Variants in ASIC2 observed in about 807,000 individuals in gnomAD.
The protein encoded by ASIC2 is acid sensing ion channel subunit 2.
ASIC2 carries 25 observed loss-of-function variants against 57.3 expected under a neutral mutation model. The observed-to-expected ratio is 0.44, with a 90% CI of 0.32 to 0.61. The LOEUF (loss-of-function observed/expected upper bound fraction) is 0.61, where lower values mean the gene tolerates loss of function less well. Among genes scored for constraint, ASIC2 ranks in the 20% least tolerant of loss-of-function variants. The pLI, the probability that ASIC2 is intolerant of heterozygous loss-of-function variation, is 0.06. For synonymous variants in ASIC2, 319 were observed against 307.5 expected (o/e 1.04, Z -0.39); for missense variants, 641 against 738.1 (o/e 0.87, Z 1.52).
intron 1 of ASIC2, among the ~76,000 whole-genome samples, chr17:33,783,735 T>C (rs552672169): frequency 2.0e-5 from 3 of 152,292 alleles, no homozygotes; most frequent in African/African-American, 7.2e-5. Flanking sequence ...TGAAGGGGAA[T>C]GGACTTTCCC....
chr17:33,037,525 C>T (rs928530673), intron 3 of ASIC2, among the ~76,000 whole-genome samples: 2 of 151,580 alleles, frequency 1.3e-5, no homozygotes, highest in African/African-American at 4.9e-5. Context: ...TTACTGTGTG[C>T]ACAGCACCGA....
intron 1 of ASIC2, among the ~76,000 whole-genome samples, chr17:33,421,025 T>A (rs1312086195): frequency 6.6e-6 from 1 of 152,176 alleles, no homozygotes; most frequent in Non-Finnish European, 1.5e-5. Flanking sequence ...AAAGCACTCA[T>A]GTAATGGAGG....
chr17:33,020,225 A>G (rs1300316607), intron 7 of ASIC2, among the ~76,000 whole-genome samples: 1 of 152,116 alleles, frequency 6.6e-6, no homozygotes, highest in Admixed American at 6.5e-5. Flanking sequence ...AGAAACTACT[A>G]TTTATGGACC....
chr17:33,111,747 G>C lies in ASIC2; in HGVS notation c.859+170C>G, dbSNP rs947417218. ...ACATAGTAAAAGGTGAGGAAACCCAGGGCATCCCAGCCCAAGCCAGGGACA... is the reference window on the plus strand; with the variant it reads ...ACATAGTAAAAGGTGAGGAAACCCACGGCATCCCAGCCCAAGCCAGGGACA... On this transcript the variant is annotated intron_variant, in intron 2 of 9. Coordinates refer to ENST00000225823, the MANE Select transcript of ASIC2 (RefSeq NM_183377.2). 7.6e-6 allele frequency: 7 copies of C among 918,594 alleles called. No homozygotes were observed. In the African/African-American group the frequency reaches 1.2e-4, roughly 16 times the overall value. 56.9% of individuals were successfully genotyped at this position (918,594 alleles called of 1,614,324 possible).
At chr17:34,097,176 T>C (rs947237188) in intron 1 of ASIC2, among the ~76,000 whole-genome samples, 2 of 152,210 alleles carry the variant, frequency 1.3e-5, no homozygotes, top group African/African-American at 2.4e-5. Flanking sequence ...CCTCAGGATA[T>C]GCCAAGCAGT....
In ASIC2 at chr17:33,799,394, CTTTCTT is replaced by C. The variant is rs1470343004; in HGVS notation, c.555+356578_555+356583del. Among the ~76,000 whole-genome samples the C allele has an allele frequency of 1.0e-3, 112 of 110,112 alleles. 3 individuals carry two copies. The highest frequency in any genetic ancestry group is 4.2e-3 in the African/African-American group (105 of 24,962). 72.2% of individuals were successfully genotyped at this position (110,112 alleles called of 152,430 possible). On this transcript the variant is annotated intron_variant, in intron 1 of 9. Transcript: ENST00000359872. ...TCTTTCTTCCTTTCTTTCTTTCTTT[CTTTCTT>C]TCTTTTCTTTCTTTCTTTCTTTCTT...
chr17:34,093,320 CTT>C (rs993489564), intron 1 of ASIC2, among the ~76,000 whole-genome samples: 2 of 152,160 alleles, frequency 1.3e-5, no homozygotes, highest in African/African-American at 4.8e-5. Context: ...TAAGCAGTCT[CTT>C]GTTTCCCTGA....
chr17:33,930,764 T>C (rs1352420013), intron 1 of ASIC2, among the ~76,000 whole-genome samples: 4 of 152,168 alleles, frequency 2.6e-5, no homozygotes, highest in Non-Finnish European at 4.4e-5. Context: ...AGGAGCCATG[T>C]GTGAGTCCAG....
chr17:33,661,166 G>C (rs2142044769), intron 1 of ASIC2, among the ~76,000 whole-genome samples: 1 of 152,126 alleles, frequency 6.6e-6, no homozygotes, highest in East Asian at 1.9e-4. Context: ...CCCCTCTCTT[G>C]GCTGGTGCTG....
At chr17:33,228,361 G>A (rs1368945156) in intron 1 of ASIC2, among the ~76,000 whole-genome samples, 7 of 152,144 alleles carry the variant, frequency 4.6e-5, no homozygotes, top group African/African-American at 1.7e-4. Context: ...AAAAAAGAAG[G>A]GGGGTAAGAG....
chr17:33,373,408 T>C (rs1466717674), intron 1 of ASIC2, among the ~76,000 whole-genome samples: 1 of 152,222 alleles, frequency 6.6e-6, no homozygotes, highest in African/African-American at 2.4e-5. Flanking sequence ...AGGAATTTAG[T>C]TTATAGTTTA....
chr17:33,461,898 C>A (rs544727916), intron 1 of ASIC2, among the ~76,000 whole-genome samples: 1 of 152,300 alleles, frequency 6.6e-6, no homozygotes, highest in South Asian at 2.1e-4. Context: ...TGCAACTGAA[C>A]CATCTATTGA....
At chr17:33,672,778 C>G (rs1203310350) in intron 1 of ASIC2, among the ~76,000 whole-genome samples, 1 of 152,146 alleles carries the variant, frequency 6.6e-6, no homozygotes, top group East Asian at 1.9e-4. Flanking sequence ...GCATTTAGGA[C>G]TACCAGGAAT....
At chr17:33,865,035 C>T (rs940114144) in intron 1 of ASIC2, among the ~76,000 whole-genome samples, 1 of 152,184 alleles carries the variant, frequency 6.6e-6, no homozygotes, top group Non-Finnish European at 1.5e-5. Context: ...CTGCCAGATG[C>T]AAAGTCCAAT....
intron 1 of ASIC2, among the ~76,000 whole-genome samples, chr17:33,468,860 C>G (rs567102540): frequency 6.6e-6 from 1 of 152,174 alleles, no homozygotes; most frequent in East Asian, 1.9e-4. Context: ...GGGCTCTTGA[C>G]TTTCTCTCAG....
chr17:33,317,380 C>A (rs908133095), intron 1 of ASIC2, among the ~76,000 whole-genome samples: 3 of 152,180 alleles, frequency 2.0e-5, no homozygotes, highest in African/African-American at 7.2e-5. Flanking sequence ...GTTGGGTGAG[C>A]ATCTCCTGTG....
chr17:33,621,088 C>T (rs1279807844), intron 1 of ASIC2, among the ~76,000 whole-genome samples: 2 of 152,190 alleles, frequency 1.3e-5, no homozygotes, highest in African/African-American at 2.4e-5. Flanking sequence ...GCCACCTTTT[C>T]AGGGCCCTTT....
At chr17:33,611,043 G>A (rs1029011058) in intron 1 of ASIC2, among the ~76,000 whole-genome samples, 2 of 152,210 alleles carry the variant, frequency 1.3e-5, no homozygotes, top group African/African-American at 4.8e-5. Flanking sequence ...TGGCTGAGCA[G>A]GAACTCACAA....
At chr17:33,015,930 C>G (rs2091803208) in intron 9 of ASIC2, 41 bp downstream of exon 9, 1 of 1,608,824 alleles carries the variant, frequency 6.2e-7, no homozygotes, top group Non-Finnish European at 8.5e-7. Flanking sequence ...CGGTACAAGC[C>G]AGAGCAGCAG....
Sources: allele counts gnomAD v4.1 joint callset (sites outside exome capture counted in the v4.1 genomes callset), GRCh38; gene constraint gnomAD v4.1.1; transcripts MANE v1.5; gene names NCBI Gene and HGNC (gene_info 2026-07-23, HGNC 2026-07-21).